GRID2: variants seen among roughly 807,000 people sequenced by gnomAD.
GRID2 encodes the protein glutamate ionotropic receptor delta type subunit 2.
GRID2 carries 33 observed loss-of-function variants against 114.8 expected under a neutral mutation model. That is an observed-to-expected ratio of 0.29 (90% CI 0.22 to 0.38). GRID2 has a LOEUF of 0.38. Among genes scored for constraint, GRID2 ranks in the 10% least tolerant of loss-of-function variants. The pLI is 1.00. For synonymous variants in GRID2, 505 were observed against 449.9 expected (o/e 1.12, Z -1.55); for missense variants, 1,184 against 1,257.7 (o/e 0.94, Z 0.89).
At chr4:93,445,154 T>C (rs905583451) in intron 10 of GRID2, among the ~76,000 whole-genome samples, 1 of 152,046 alleles carries the variant, frequency 6.6e-6, no homozygotes, top group African/African-American at 2.4e-5. Context: ...TCCTTTCTTC[T>C]GGCTGGAATG....
intron 11 of GRID2, among the ~76,000 whole-genome samples, chr4:93,462,288 A>G (rs1723820907): frequency 6.6e-6 from 1 of 152,178 alleles, no homozygotes; most frequent in Non-Finnish European, 1.5e-5. Context: ...ACGCCGATGG[A>G]TCTTAACCAA....
intron 2 of GRID2, among the ~76,000 whole-genome samples, chr4:92,593,941 G>C (rs745385403): frequency 6.7e-6 from 1 of 150,242 alleles, no homozygotes; most frequent in East Asian, 2.0e-4. Flanking sequence ...AAAAAAAAAC[G>C]TATATGGGTT....
At chr4:93,685,072 G>C (rs1053128458) in intron 14 of GRID2, among the ~76,000 whole-genome samples, 3 of 151,870 alleles carry the variant, frequency 2.0e-5, no homozygotes, top group Admixed American at 1.3e-4. Flanking sequence ...ACAGTTTATG[G>C]CTTGATAAAA....
chr4:93,157,193 A>T (rs1457994058), intron 4 of GRID2, among the ~76,000 whole-genome samples: 3 of 151,616 alleles, frequency 2.0e-5, no homozygotes, highest in Non-Finnish European at 4.4e-5. Context: ...ATCTACTCAA[A>T]TTCCTGCTTC....
chr4:93,132,179 A>T (rs756244553), intron 4 of GRID2, among the ~76,000 whole-genome samples: 1 of 152,204 alleles, frequency 6.6e-6, no homozygotes. Flanking sequence ...ATACAACAGT[A>T]ATCACCTTGA....
chr4:93,589,020 G>A (rs1000051931), intron 13 of GRID2, among the ~76,000 whole-genome samples: 2 of 147,780 alleles, frequency 1.4e-5, no homozygotes, highest in South Asian at 2.2e-4. Flanking sequence ...TCATGATTCT[G>A]CACTCCCCTG....
intron 14 of GRID2, among the ~76,000 whole-genome samples, chr4:93,671,347 C>T (rs1463413428): frequency 1.1e-4 from 16 of 152,034 alleles, no homozygotes; most frequent in Admixed American, 1.0e-3. Flanking sequence ...GGGTTTTTTC[C>T]CCATTTTGAG....
intron 2 of GRID2, among the ~76,000 whole-genome samples, chr4:92,865,790 T>C (rs1438383561): frequency 6.6e-6 from 1 of 152,324 alleles, no homozygotes; most frequent in Middle Eastern, 3.4e-3. Context: ...CCATAAAGCA[T>C]ATGTGTTTTA....
intron 3 of GRID2, among the ~76,000 whole-genome samples, chr4:93,085,748 C>A (rs1488291591): frequency 6.6e-6 from 1 of 152,030 alleles, no homozygotes; most frequent in African/African-American, 2.4e-5. Context: ...GACTTTAATA[C>A]CTACTCAGTA....
chr4:93,354,487 G>C (rs1279837536), intron 8 of GRID2, among the ~76,000 whole-genome samples: 1 of 151,870 alleles, frequency 6.6e-6, no homozygotes, highest in African/African-American at 2.4e-5. Context: ...AATTCTGGTA[G>C]AAAAGATTGA....
intron 8 of GRID2, among the ~76,000 whole-genome samples, chr4:93,267,091 T>G (rs751699097): frequency 1.1e-4 from 16 of 152,130 alleles, no homozygotes; most frequent in Admixed American, 3.3e-4. Flanking sequence ...TCCAGTTTCA[T>G]CCATGTTGCT....
rs1309818822 is a variant in GRID2, at chr4:93,536,510, G to T, written c.2193+21099G>T. On this transcript the variant is annotated intron_variant, in intron 13 of 15. Coordinates refer to ENST00000282020, the MANE Select transcript of GRID2 (RefSeq NM_001510.4). The stretch of plus-strand genomic sequence containing the variant: ...ACTGGATATCCACACGCAAGAGAAT[G>T]AAACTGAATCCTTATATAAATTAAT... 2.0e-5 allele frequency among the ~76,000 whole-genome samples: 3 copies of T among 151,920 alleles called. No homozygotes were observed. In the East Asian group the frequency reaches 5.8e-4, roughly 29 times the overall value.
chr4:93,267,040 T>C (rs537416716), intron 8 of GRID2, among the ~76,000 whole-genome samples: 24 of 151,692 alleles, frequency 1.6e-4, no homozygotes, highest in African/African-American at 5.3e-4. Flanking sequence ...ATGTGGTATC[T>C]GACATTCTGC....
At position 92,935,045 on chromosome 4, in the gene GRID2, A is replaced by C. The variant is rs533634073; in HGVS notation, c.245-149950A>C. Among the ~76,000 whole-genome samples the C allele has an allele frequency of 5.1e-4, 75 of 146,794 alleles. 8 individuals carry two copies. The highest frequency in any genetic ancestry group is 2.3e-3 in the South Asian group (10 of 4,340). The stretch of plus-strand genomic sequence containing the variant: ...AAGCCAAAATTGACAAATGGGATCT[A>C]ATTAAACTAAAGAGCTTCTGCACAG... On this transcript the variant is annotated intron_variant, in intron 2 of 15. Transcript: ENST00000282020.
intron 1 of GRID2, among the ~76,000 whole-genome samples, chr4:93,797,872 G>A (rs139701995): frequency 6.7e-6 from 1 of 149,692 alleles, no homozygotes; most frequent in Non-Finnish European, 1.5e-5. Context: ...GAGGAGCAAG[G>A]CCAGGTGTGG....
intron 2 of GRID2, among the ~76,000 whole-genome samples, chr4:92,931,716 T>C (rs1354065345): frequency 6.6e-6 from 1 of 150,636 alleles, no homozygotes; most frequent in East Asian, 1.9e-4. Context: ...CTTAATATGA[T>C]TTGATTATTT....
At chr4:93,349,781 CA>C (rs2149258956) in intron 8 of GRID2, among the ~76,000 whole-genome samples, 1 of 151,932 alleles carries the variant, frequency 6.6e-6, no homozygotes, top group Non-Finnish European at 1.5e-5. Context: ...AAACCGAAAA[CA>C]AATAAACTAA....
chr4:92,425,579 T>C (rs1732118055), intron 1 of GRID2, among the ~76,000 whole-genome samples: 1 of 152,076 alleles, frequency 6.6e-6, no homozygotes, highest in Non-Finnish European at 1.5e-5. Flanking sequence ...GTAATCCATA[T>C]TATATAGTGT....
chr4:92,430,971 C>T (rs574694376), intron 1 of GRID2, among the ~76,000 whole-genome samples: 1 of 152,222 alleles, frequency 6.6e-6, no homozygotes, highest in South Asian at 2.1e-4. Context: ...TGCAACTTTA[C>T]TGAATTTGTT....
Sources: allele counts gnomAD v4.1 joint callset (sites outside exome capture counted in the v4.1 genomes callset), GRCh38; gene constraint gnomAD v4.1.1; transcripts MANE v1.5; gene names NCBI Gene and HGNC (gene_info 2026-07-23, HGNC 2026-07-21).